The following CPNE4 variants were observed in gnomAD, a reference collection of about 807,000 sequenced individuals.
CPNE4 encodes the protein copine-4.
A neutral mutation model predicts 67.9 loss-of-function variants in CPNE4; 25 were observed. The ratio of observed to expected loss-of-function variants is 0.37; its 90% confidence interval spans 0.27 to 0.51. CPNE4 has a LOEUF of 0.51. Ranked by LOEUF, CPNE4 falls within the 20% of genes least tolerant of loss-of-function variation. The pLI is 0.93. For missense variants in CPNE4, 464 were observed against 690.8 expected (o/e 0.67, Z 3.68); for synonymous variants, 242 against 244.9 (o/e 0.99, Z 0.11).
intron 15 of CPNE4, among the ~76,000 whole-genome samples, chr3:131,537,150 AT>A (rs1342205407): frequency 6.6e-6 from 1 of 151,974 alleles, no homozygotes; most frequent in African/African-American, 2.4e-5. Context: ...AGGTGTATGT[AT>A]TTTTTTAAGT....
At chr3:131,824,027 A>C (rs2085059312) in intron 2 of CPNE4, among the ~76,000 whole-genome samples, 1 of 152,232 alleles carries the variant, frequency 6.6e-6, no homozygotes, top group African/African-American at 2.4e-5. Flanking sequence ...GAATCTAACA[A>C]AGAATCTTTA....
intron 6 of CPNE4, among the ~76,000 whole-genome samples, chr3:131,676,014 ATAT>A (rs2080551369): frequency 7.1e-6 from 1 of 141,748 alleles, no homozygotes; most frequent in Admixed American, 7.3e-5. Context: ...AGGCTTGCAA[ATAT>A]TATGTTATAA....
chr3:131,801,415 CGTGTGTGT>C (rs796117335), intron 2 of CPNE4, among the ~76,000 whole-genome samples: 10 of 66,074 alleles, frequency 1.5e-4, no homozygotes, highest in African/African-American at 5.5e-4. Flanking sequence ...TACATATATA[CGTGTGTGT>C]GTGTGTGTGT....
intron 2 of CPNE4, among the ~76,000 whole-genome samples, chr3:131,886,943 C>A (rs10804601): frequency 2.0e-5 from 3 of 152,038 alleles, no homozygotes; most frequent in Non-Finnish European, 4.4e-5. Flanking sequence ...CTTTGGACTA[C>A]GGACTTTTAG....
At chr3:132,032,518 G>A (rs1364007360) in intron 1 of CPNE4, among the ~76,000 whole-genome samples, 1 of 152,194 alleles carries the variant, frequency 6.6e-6, no homozygotes, top group Non-Finnish European at 1.5e-5. Flanking sequence ...TGTGTTTTGA[G>A]TTTGATCCTC....
At chr3:131,975,093 C>T (rs1388893380) in intron 1 of CPNE4, among the ~76,000 whole-genome samples, 1 of 152,102 alleles carries the variant, frequency 6.6e-6, no homozygotes, top group Non-Finnish European at 1.5e-5. Flanking sequence ...TCATTTTTAA[C>T]AATGGCTTTA....
chr3:131,713,437 G>C (rs1185157595), intron 3 of CPNE4, among the ~76,000 whole-genome samples: 1 of 152,142 alleles, frequency 6.6e-6, no homozygotes, highest in Non-Finnish European at 1.5e-5. Flanking sequence ...AAGGGTAGTG[G>C]AAGGGGGAGA....
intron 6 of CPNE4, among the ~76,000 whole-genome samples, chr3:131,684,173 G>A (rs2080827066): frequency 6.6e-6 from 1 of 152,178 alleles, no homozygotes; most frequent in African/African-American, 2.4e-5. Context: ...TGTGTGTGTG[G>A]AGAGTTGTTT....
intron 7 of CPNE4, among the ~76,000 whole-genome samples, chr3:131,628,754 C>CT (rs2079143118): frequency 7.3e-6 from 1 of 136,278 alleles, no homozygotes; most frequent in African/African-American, 3.6e-5. Flanking sequence ...TCCCCTTTAT[C>CT]ATTTTTTATT....
chr3:131,564,040 G>T, intron 11 of CPNE4, among the ~76,000 whole-genome samples, 176 bp downstream of exon 11: 1 of 152,040 alleles, frequency 6.6e-6, no homozygotes, highest in Non-Finnish European at 1.5e-5. Context: ...TTTGTTTGGT[G>T]ACCAGCGTGA....
chr3:131,816,924 C>G (rs369724768), intron 2 of CPNE4, among the ~76,000 whole-genome samples: 2 of 152,150 alleles, frequency 1.3e-5, no homozygotes, highest in African/African-American at 4.8e-5. Context: ...AAACTGCACC[C>G]ACTTAAAGTG....
chr3:131,696,473 G>T (rs1006221396), intron 5 of CPNE4, 69 bp downstream of exon 5: 6 of 1,422,798 alleles, frequency 4.2e-6, no homozygotes, highest in Admixed American at 1.7e-5. Context: ...TAGTTGCAGG[G>T]GGAAATCTGA....
At chr3:131,882,671 A>G (rs374292430) in intron 2 of CPNE4, among the ~76,000 whole-genome samples, 10 of 150,714 alleles carry the variant, frequency 6.6e-5, no homozygotes, top group African/African-American at 2.4e-4. Flanking sequence ...AAGTACTTTT[A>G]TTGTTCTCAT....
intron 7 of CPNE4, among the ~76,000 whole-genome samples, chr3:131,592,446 C>T (rs920884782): frequency 5.3e-5 from 8 of 152,048 alleles, no homozygotes; most frequent in Non-Finnish European, 4.4e-5. Flanking sequence ...GTCTTTAATT[C>T]TTTACAATAA....
intron 1 of CPNE4, among the ~76,000 whole-genome samples, chr3:131,982,886 A>T (rs989703278): frequency 2.0e-5 from 3 of 152,048 alleles, no homozygotes; most frequent in Non-Finnish European, 2.9e-5. Context: ...TTCTGCCTAC[A>T]TTATCATCAT....
At chr3:132,011,608 A>G (rs963926668) in intron 1 of CPNE4, among the ~76,000 whole-genome samples, 2 of 152,208 alleles carry the variant, frequency 1.3e-5, no homozygotes, top group African/African-American at 4.8e-5. Context: ...TCAAACCCCA[A>G]AAGACAGTTT....
chr3:131,617,665 T>A (rs760032805), intron 7 of CPNE4, among the ~76,000 whole-genome samples: 2 of 152,174 alleles, frequency 1.3e-5, no homozygotes, highest in Non-Finnish European at 2.9e-5. Flanking sequence ...AAGGACAAAG[T>A]CTTTTTTGTA....
chr3:131,669,867 A>G (rs2080364955), intron 6 of CPNE4, 103 bp from the exon 7 acceptor site: 1 of 900,142 alleles, frequency 1.1e-6, no homozygotes, highest in Non-Finnish European at 1.8e-6. Flanking sequence ...GCTTATGAAA[A>G]GAACAATAGC....
chr3:131,653,581 G>A (rs1392238334), intron 7 of CPNE4, among the ~76,000 whole-genome samples: 1 of 152,098 alleles, frequency 6.6e-6, no homozygotes, highest in African/African-American at 2.4e-5. Context: ...GAGGCCCTCA[G>A]TGCCTCCCAT....
Sources: allele counts gnomAD v4.1 joint callset (sites outside exome capture counted in the v4.1 genomes callset), GRCh38; gene constraint gnomAD v4.1.1; transcripts MANE v1.5; gene names NCBI Gene and HGNC (gene_info 2026-07-23, HGNC 2026-07-21).